The following DENND4A variants were observed in gnomAD, a reference collection of about 807,000 sequenced individuals.
The protein encoded by DENND4A is DENN domain containing 4A.
DENND4A carries 70 observed loss-of-function variants against 199.3 expected under a neutral mutation model. That is an observed-to-expected ratio of 0.35 (90% CI 0.29 to 0.43). The LOEUF is 0.43. Ranked by LOEUF, DENND4A falls within the 20% of genes least tolerant of loss-of-function variation. The pLI, the probability that DENND4A is intolerant of heterozygous loss-of-function variation, is 1.00. For synonymous variants in DENND4A, 686 were observed against 766.9 expected, an observed-to-expected ratio of 0.89 and a Z score of 1.74; for missense variants, 1,723 against 2,255.8, an observed-to-expected ratio of 0.76 and a Z score of 4.78.
chr15:65,784,571 T>C (rs1294213933), intron 1 of DENND4A, among the ~76,000 whole-genome samples: 8 of 152,074 alleles, frequency 5.3e-5, no homozygotes, highest in African/African-American at 1.9e-4. Context: ...AATAAAAATA[T>C]GGGGAAGTTG....
chr15:65,684,818 A>ATTT (rs541989496), intron 23 of DENND4A, among the ~76,000 whole-genome samples: 68 of 104,906 alleles, frequency 6.5e-4, no homozygotes, highest in South Asian at 1.2e-3. Context: ...TTTTCTTCCA[A>ATTT]TTTTTTTTTT....
chr15:65,769,437 A>C (rs1023954557), intron 1 of DENND4A, among the ~76,000 whole-genome samples: 7 of 152,240 alleles, frequency 4.6e-5, no homozygotes, highest in African/African-American at 1.7e-4. Flanking sequence ...TATAAAATGT[A>C]GTAAGGTTTA....
intron 23 of DENND4A, among the ~76,000 whole-genome samples, chr15:65,687,258 AATAAT>A (rs1439526283): frequency 3.3e-5 from 5 of 152,184 alleles, no homozygotes; most frequent in African/African-American, 1.2e-4. Flanking sequence ...TTTCATATTT[AATAAT>A]ATAACTATAA....
chr15:65,685,303 T>G (rs2076732769), intron 23 of DENND4A, among the ~76,000 whole-genome samples: 1 of 152,176 alleles, frequency 6.6e-6, no homozygotes, highest in Non-Finnish European at 1.5e-5. Context: ...ATTTTTTGTA[T>G]TTTTAGTAGA....
intron 1 of DENND4A, among the ~76,000 whole-genome samples, chr15:65,790,339 T>C (rs955517157): frequency 1.3e-5 from 2 of 152,192 alleles, no homozygotes; most frequent in African/African-American, 4.8e-5. Flanking sequence ...TGTAAATTTG[T>C]GTATATAAGT....
Position 65,712,500 on chromosome 15 carries a change from T to C in DENND4A, c.1953+2978A>G, listed in dbSNP as rs545872387. On this transcript the variant is annotated intron_variant, in intron 14 of 32. Transcript: ENST00000443035. ...AAGAAAACAACATATAAAGACTAAA[T>C]GACTAAAGTCACAAGTATAATAGTC... 1.1e-3 allele frequency among the ~76,000 whole-genome samples: 172 copies of C among 152,306 alleles called. 1 individual carries two copies. Among genetic ancestry groups the C allele is most frequent in the African/African-American group, 3.7e-3 (154 of 41,580 alleles).
intron 1 of DENND4A, among the ~76,000 whole-genome samples, chr15:65,779,800 C>A (rs1484825228): frequency 2.6e-5 from 4 of 152,194 alleles, no homozygotes; most frequent in Non-Finnish European, 5.9e-5. Context: ...CAGGCATATA[C>A]CACCATGCCC....
At chr15:65,713,772 T>C (rs1472042125) in intron 14 of DENND4A, among the ~76,000 whole-genome samples, 1 of 152,208 alleles carries the variant, frequency 6.6e-6, no homozygotes, top group Non-Finnish European at 1.5e-5. Context: ...ACAAGATACT[T>C]TTGGGCTTAT....
intron 23 of DENND4A, among the ~76,000 whole-genome samples, chr15:65,689,941 T>C (rs1460920570): frequency 6.6e-6 from 1 of 152,180 alleles, no homozygotes; most frequent in Non-Finnish European, 1.5e-5. Context: ...TGCTTTCTAG[T>C]TACTTCAGCA....
chr15:65,771,811 T>TA, intron 1 of DENND4A: 1 of 1,613,612 alleles, frequency 6.2e-7, no homozygotes, highest in Non-Finnish European at 8.5e-7. Flanking sequence ...CGTGAGGTCA[T>TA]ACTGTTTTCG....
intron 1 of DENND4A, among the ~76,000 whole-genome samples, chr15:65,762,459 T>TA (rs943926226): frequency 4.8e-4 from 71 of 148,464 alleles, no homozygotes; most frequent in East Asian, 4.1e-3. Flanking sequence ...CCCCCATCTC[T>TA]AAAAAAAAAA....
chr15:65,714,083 T>C (rs758371298), intron 14 of DENND4A, among the ~76,000 whole-genome samples: 14 of 152,134 alleles, frequency 9.2e-5, no homozygotes, highest in Non-Finnish European at 7.4e-5. Flanking sequence ...TTTCTTCACT[T>C]CTGTATTTGT....
At chr15:65,778,625 G>A (rs80293648) in intron 1 of DENND4A, among the ~76,000 whole-genome samples, 140 of 152,218 alleles carry the variant, frequency 9.2e-4, no homozygotes, top group African/African-American at 3.3e-3. Context: ...CAGGCCAGAT[G>A]CAGTGGCTCA....
At chr15:65,692,172 G>A (rs1292764516) in intron 22 of DENND4A, among the ~76,000 whole-genome samples, 4 of 152,002 alleles carry the variant, frequency 2.6e-5, no homozygotes, top group Non-Finnish European at 5.9e-5. Context: ...CAAAATAGAA[G>A]TATGTTAACT....
At position 65,753,089 on chromosome 15, in the gene DENND4A, G is replaced by A. The variant is rs528066727; in HGVS notation, c.312-461C>T. On this transcript the variant is annotated intron_variant, in intron 3 of 32. Transcript: ENST00000443035. ...GCTTTAAGAGACAGTTTTAGGCTAAGAGAATGTAACTTCAAATCCATCCTT... is the reference window on the plus strand; with the variant it reads ...GCTTTAAGAGACAGTTTTAGGCTAAAAGAATGTAACTTCAAATCCATCCTT... Among the ~76,000 whole-genome samples the A allele has an allele frequency of 3.1e-4, 47 of 152,290 alleles. No homozygotes were observed. The Middle Eastern group carries it at 0.017, about 55-fold the overall frequency.
intron 11 of DENND4A, chr15:65,726,246 A>G (rs1236712023): frequency 4.6e-5 from 7 of 152,202 alleles, no homozygotes; most frequent in African/African-American, 1.2e-4. Flanking sequence ...GTATGAGTCA[A>G]GACACCTAGC....
intron 23 of DENND4A, among the ~76,000 whole-genome samples, chr15:65,677,658 T>G (rs571136776): frequency 6.6e-6 from 1 of 152,272 alleles, no homozygotes; most frequent in African/African-American, 2.4e-5. Context: ...GGATTATTAT[T>G]TTTTTTGTTC....
chr15:65,696,350 G>A lies in DENND4A; in HGVS notation c.3082+16C>T, dbSNP rs772915313. ...AATTTATTCCGCACATAACACAAGC[G>A]TACTATTCAACTTACCCATGCTTTC... On this transcript the variant is annotated intron_variant, in intron 22 of 32. Coordinates refer to ENST00000443035, the MANE Select transcript of DENND4A (RefSeq NM_001320835.1). 1.7e-5 allele frequency: 27 copies of A among 1,608,570 alleles called. No homozygotes were observed. The highest frequency in any genetic ancestry group is 9.4e-5 in the African/African-American group (7 of 74,682).
chr15:65,706,117 A>G lies in DENND4A; in HGVS notation c.2061T>C (p.Asn687=), dbSNP rs2075041448. 1.9e-6 allele frequency: 3 copies of G among 1,604,800 alleles called. No homozygotes were observed. The highest frequency in any genetic ancestry group is 2.6e-6 in the Non-Finnish European group (3 of 1,175,942). ...TGTACTGTAAAGGGGGTTCTTCACC[A>G]TTGGGTAGGTGGGGGATCTCAGGTG... is the stretch of plus-strand genomic sequence containing the variant. ...VTPPEIPHLP[N]GEEPPLQYSY... is the part of the protein sequence containing the mutation. The change falls in exon 15 of 33, where the codon AAT becomes AAC. Residue 687 remains asparagine, a synonymous_variant. Coordinates refer to ENST00000443035, the MANE Select transcript of DENND4A (RefSeq NM_001320835.1).
Sources: gnomAD v4.1 joint callset for allele counts (sites outside exome capture counted in the v4.1 genomes callset) on GRCh38, gnomAD v4.1.1 for gene constraint, MANE v1.5 for transcripts, NCBI Gene and HGNC (gene_info 2026-07-23, HGNC 2026-07-21) for gene names.